GABRB3: variants seen among roughly 807,000 people sequenced by gnomAD.
The protein encoded by GABRB3 is gamma-aminobutyric acid receptor subunit beta-3.
Under a neutral mutation model 52.1 loss-of-function variants are expected in GABRB3, and 14 were observed. The observed-to-expected ratio is 0.27, with a 90% CI of 0.18 to 0.42. GABRB3 has a LOEUF of 0.42. Ranked by LOEUF, GABRB3 falls within the 10% of genes least tolerant of loss-of-function variation. The pLI, the probability that GABRB3 is intolerant of heterozygous loss-of-function variation, is 1.00. For synonymous variants in GABRB3, 260 were observed against 232.3 expected (o/e 1.12, Z -1.08); for missense variants, 307 against 609.1 (o/e 0.50, Z 5.22).
chr15:26,735,127 C>A (rs1031500913), intron 3 of GABRB3, among the ~76,000 whole-genome samples: 3 of 152,096 alleles, frequency 2.0e-5, no homozygotes, highest in Non-Finnish European at 4.4e-5. Flanking sequence ...GGCGAATAAG[C>A]ACATGAAAAG....
At chr15:26,582,576 A>G (rs1890827582) in intron 5 of GABRB3, among the ~76,000 whole-genome samples, 2 of 109,282 alleles carry the variant, frequency 1.8e-5, no homozygotes, top group Admixed American at 1.8e-4. Context: ...AGCCTCACCC[A>G]GGATCTACAC....
intron 3 of GABRB3, among the ~76,000 whole-genome samples, chr15:26,739,968 C>T (rs928577077): frequency 1.3e-5 from 2 of 152,212 alleles, no homozygotes; most frequent in Non-Finnish European, 1.5e-5. Flanking sequence ...TTTCCACTTC[C>T]TGCCGTGACA....
intron 6 of GABRB3, among the ~76,000 whole-genome samples, chr15:26,574,501 G>A (rs1890521759): frequency 6.6e-6 from 1 of 152,116 alleles, no homozygotes; most frequent in Non-Finnish European, 1.5e-5. Context: ...AGCCCAAAGG[G>A]AAGACAAGCC....
chr15:26,712,980 C>T (rs775706552), intron 3 of GABRB3, among the ~76,000 whole-genome samples: 4 of 152,188 alleles, frequency 2.6e-5, no homozygotes, highest in Admixed American at 1.3e-4. Flanking sequence ...CGAAGGCAGA[C>T]GGAGGGGCGA....
At chr15:26,764,462 A>C (rs937986784) in intron 3 of GABRB3, among the ~76,000 whole-genome samples, 1 of 151,948 alleles carries the variant, frequency 6.6e-6, no homozygotes, top group African/African-American at 2.4e-5. Flanking sequence ...TCTGTAGTAA[A>C]TGCTTCTGTG....
rs1050023248 is a variant in GABRB3, at chr15:26,561,929, C to T, written c.836-753G>A. On this transcript the variant is annotated intron_variant, in intron 7 of 8. Coordinates refer to ENST00000311550, the MANE Select transcript of GABRB3 (RefSeq NM_000814.6). ...CTTATAGAATCCCACCATACTCTGG[C>T]GCAACTCATCAGATCCTTTTTTTAA... is the stretch of plus-strand genomic sequence containing the variant. 2.0e-5 allele frequency among the ~76,000 whole-genome samples: 3 copies of T among 152,198 alleles called. 1 individual carries two copies. Among genetic ancestry groups the T allele is most frequent in the African/African-American group, 7.2e-5 (3 of 41,456 alleles).
In GABRB3 at chr15:26,547,157, C is replaced by T. The variant is rs533898502; in HGVS notation, c.*636G>A. 59 of 188,994 alleles carry T rather than the reference C, an allele frequency of 3.1e-4. No individual in the cohort carries two copies. The highest frequency in any genetic ancestry group is 1.4e-3 in the African/African-American group (59 of 43,100). The allele number at this position is 188,994 out of a possible 1,614,324, so 11.7% of individuals were successfully genotyped here. On this transcript the variant is annotated 3_prime_UTR_variant, in exon 9 of 9. Coordinates refer to ENST00000311550, the MANE Select transcript of GABRB3 (RefSeq NM_000814.6). ...ATCTATGTTTCAGACAACAGGTAAG[C>T]ACACTGCCAGTGGCTCACCCCAGCC...
chr15:26,644,082 G>A (rs1016033206), intron 3 of GABRB3, among the ~76,000 whole-genome samples: 6 of 152,242 alleles, frequency 3.9e-5, no homozygotes, highest in African/African-American at 1.2e-4. Context: ...GCCTACCAGC[G>A]GTTGCAGGGA....
chr15:26,647,700 A>G (rs554084157), intron 3 of GABRB3, among the ~76,000 whole-genome samples: 1 of 142,026 alleles, frequency 7.0e-6, no homozygotes, highest in African/African-American at 2.6e-5. Context: ...TAGACTCAAC[A>G]GAAGTGGCAG....
chr15:26,675,468 C>T (rs375530283), intron 3 of GABRB3, among the ~76,000 whole-genome samples: 9 of 151,992 alleles, frequency 5.9e-5, no homozygotes, highest in Admixed American at 3.3e-4. Context: ...AGTGTGTGTG[C>T]GTGTTGGGAG....
chr15:26,623,247 G>A (rs1300161336), intron 3 of GABRB3, among the ~76,000 whole-genome samples: 1 of 152,194 alleles, frequency 6.6e-6, no homozygotes. Flanking sequence ...AGAGCAGAGC[G>A]ATGAGTCAGG....
At chr15:26,628,875 C>T (rs557744342) in intron 3 of GABRB3, 26 of 1,204,582 alleles carry the variant, frequency 2.2e-5, no homozygotes, top group Non-Finnish European at 2.7e-5. Context: ...CAAACGGAGG[C>T]TCTCAGGCCT....
chr15:26,587,469 G>C (rs1891036892), intron 4 of GABRB3, among the ~76,000 whole-genome samples: 1 of 152,162 alleles, frequency 6.6e-6, no homozygotes, highest in South Asian at 2.1e-4. Context: ...AATAAAGTAG[G>C]CTGTGGAGCA....
chr15:26,745,988 A>C (rs1310349716), intron 3 of GABRB3, among the ~76,000 whole-genome samples: 1 of 152,202 alleles, frequency 6.6e-6, no homozygotes, highest in Non-Finnish European at 1.5e-5. Flanking sequence ...CTGGGTTGTA[A>C]GGTAACTGCA....
intron 7 of GABRB3, among the ~76,000 whole-genome samples, chr15:26,563,779 T>A (rs1009695973): frequency 6.6e-6 from 1 of 152,196 alleles, no homozygotes; most frequent in Non-Finnish European, 1.5e-5. Flanking sequence ...AATGGCTGGG[T>A]GGTGGCTTTC....
At chr15:26,741,759 C>T (rs1890214089) in intron 3 of GABRB3, among the ~76,000 whole-genome samples, 1 of 152,048 alleles carries the variant, frequency 6.6e-6, no homozygotes, top group African/African-American at 2.4e-5. Flanking sequence ...CAGGCATGCA[C>T]CACTATGTCT....
intron 3 of GABRB3, among the ~76,000 whole-genome samples, chr15:26,730,608 G>A (rs1040706011): frequency 1.6e-4 from 24 of 152,060 alleles, no homozygotes; most frequent in Admixed American, 1.6e-3. Context: ...TGGGTCCTTA[G>A]GACCATTATT....
At chr15:26,622,216 G>A (rs1892509250) in intron 3 of GABRB3, among the ~76,000 whole-genome samples, 2 of 152,098 alleles carry the variant, frequency 1.3e-5, no homozygotes, top group Non-Finnish European at 2.9e-5. Flanking sequence ...AGACAGACAG[G>A]GCCATGGTGT....
chr15:26,747,683 C>T (rs1890384268), intron 3 of GABRB3, among the ~76,000 whole-genome samples: 1 of 152,094 alleles, frequency 6.6e-6, no homozygotes, highest in Admixed American at 6.6e-5. Flanking sequence ...TTCTTCCTTC[C>T]CAATCTGTAT....
Sources: gnomAD v4.1 joint callset for allele counts (sites outside exome capture counted in the v4.1 genomes callset) on GRCh38, gnomAD v4.1.1 for gene constraint, MANE v1.5 for transcripts, NCBI Gene and HGNC (gene_info 2026-07-23, HGNC 2026-07-21) for gene names.